Variants in PTPRD observed in about 807,000 individuals in gnomAD.
The protein encoded by PTPRD is receptor-type tyrosine-protein phosphatase delta.
Under a neutral mutation model 214.5 loss-of-function variants are expected in PTPRD, and 34 were observed. The ratio of observed to expected loss-of-function variants is 0.16; its 90% CI spans 0.12 to 0.21. PTPRD has a LOEUF of 0.21. Among genes scored for constraint, PTPRD ranks in the 10% least tolerant of loss-of-function variants. The pLI, the probability that PTPRD is intolerant of heterozygous loss-of-function variation, is 1.00. For synonymous variants in PTPRD, 1,128 were observed against 845.7 expected (o/e 1.33, Z -5.79); for missense variants, 2,545 against 2,398.7 (o/e 1.06, Z -1.27).
chr9:9,828,602 G>A (rs1436102834), intron 5 of PTPRD, among the ~76,000 whole-genome samples: 3 of 151,988 alleles, frequency 2.0e-5, no homozygotes, highest in Non-Finnish European at 2.9e-5. Context: ...GTATACATAT[G>A]TAACAAACCT....
chr9:8,924,533 G>T (rs2098851988), intron 11 of PTPRD, among the ~76,000 whole-genome samples: 1 of 152,080 alleles, frequency 6.6e-6, no homozygotes, highest in Non-Finnish European at 1.5e-5. Flanking sequence ...GAATCAAAGT[G>T]GTACCTGAAT....
At chr9:10,407,846 T>C (rs1373074472) in intron 2 of PTPRD, among the ~76,000 whole-genome samples, 1 of 151,612 alleles carries the variant, frequency 6.6e-6, no homozygotes, top group Non-Finnish European at 1.5e-5. Flanking sequence ...ACTGCAAATG[T>C]TTCAATTTTT....
intron 2 of PTPRD, among the ~76,000 whole-genome samples, chr9:10,410,441 C>A (rs1168149034): frequency 6.6e-6 from 1 of 151,106 alleles, no homozygotes; most frequent in Non-Finnish European, 1.5e-5. Context: ...AGGACATCTG[C>A]TGATAGTTTG....
chr9:8,533,450 C>T (rs17572318), intron 14 of PTPRD, among the ~76,000 whole-genome samples: 16,800 of 152,032 alleles, frequency 0.11, 1,068 homozygotes, highest in South Asian at 0.19. Context: ...TACATCAATG[C>T]TTCTTCAAGT....
chr9:8,340,043 G>A (rs1251927177), intron 42 of PTPRD, among the ~76,000 whole-genome samples: 1 of 152,090 alleles, frequency 6.6e-6, no homozygotes, highest in East Asian at 1.9e-4. Context: ...ACAAAAGGCA[G>A]TAAGAATATG....
At chr9:10,121,488 C>T (rs896833587) in intron 3 of PTPRD, among the ~76,000 whole-genome samples, 1 of 152,054 alleles carries the variant, frequency 6.6e-6, no homozygotes, top group Non-Finnish European at 1.5e-5. Flanking sequence ...ACTAACAACA[C>T]ATAACAAAAC....
intron 35 of PTPRD, among the ~76,000 whole-genome samples, chr9:8,411,496 G>T (rs1398309571): frequency 6.6e-6 from 1 of 152,010 alleles, no homozygotes; most frequent in Non-Finnish European, 1.5e-5. Context: ...TAGAGGCAGG[G>T]TTTCGCCATG....
chr9:10,016,670 G>GTTTTT (rs137867470), intron 4 of PTPRD, among the ~76,000 whole-genome samples: 1 of 148,502 alleles, frequency 6.7e-6, no homozygotes, highest in Non-Finnish European at 1.5e-5. Context: ...CCTCCTGTGG[G>GTTTTT]TTGTTTTTTT....
At chr9:9,532,853 A>T (rs1414979192) in intron 8 of PTPRD, among the ~76,000 whole-genome samples, 1 of 152,170 alleles carries the variant, frequency 6.6e-6, no homozygotes, top group African/African-American at 2.4e-5. Flanking sequence ...AACATGGCAC[A>T]GTTTATATGA....
rs55960236 is a variant in PTPRD, at chr9:9,267,684, T to A, written c.-202-84321A>T. On this transcript the variant is annotated intron_variant, in intron 9 of 45. Transcript: ENST00000381196. ...TTATTAAAAGGATCATATACCATGA[T>A]CAAGTGATATTTATCCCTGGAATGC... is the stretch of plus-strand genomic sequence containing the variant. Among the ~76,000 whole-genome samples, 272 of 151,346 alleles carry A rather than the reference T, an allele frequency of 1.8e-3. 1 individual carries two copies. The highest frequency in any genetic ancestry group is 6.3e-3 in the African/African-American group (260 of 41,426).
intron 8 of PTPRD, among the ~76,000 whole-genome samples, chr9:9,510,001 A>G (rs2096662048): frequency 6.6e-6 from 1 of 151,620 alleles, no homozygotes; most frequent in African/African-American, 2.4e-5. Flanking sequence ...GTGAGAAATC[A>G]GAACACTTCT....
chr9:10,176,808 A>G (rs1229239105), intron 3 of PTPRD, among the ~76,000 whole-genome samples: 3 of 152,016 alleles, frequency 2.0e-5, no homozygotes, highest in Non-Finnish European at 4.4e-5. Flanking sequence ...TAGAAAAGTT[A>G]ACATAATGCA....
At chr9:10,115,274 T>C (rs1372289895) in intron 3 of PTPRD, among the ~76,000 whole-genome samples, 1 of 152,086 alleles carries the variant, frequency 6.6e-6, no homozygotes, top group Non-Finnish European at 1.5e-5. Context: ...TGTTGTATAT[T>C]TATCAGAGCC....
intron 3 of PTPRD, among the ~76,000 whole-genome samples, chr9:10,091,971 G>A (rs953965556): frequency 9.3e-5 from 14 of 151,338 alleles, no homozygotes; most frequent in African/African-American, 3.1e-4. Flanking sequence ...GTGTGTATGA[G>A]CATAGATAAC....
chr9:8,494,730 C>A (rs1222869388), intron 26 of PTPRD, among the ~76,000 whole-genome samples: 1 of 152,186 alleles, frequency 6.6e-6, no homozygotes, highest in African/African-American at 2.4e-5. Flanking sequence ...TAGAGGATAA[C>A]AGACATAACG....
intron 8 of PTPRD, among the ~76,000 whole-genome samples, chr9:9,552,256 C>G (rs948994839): frequency 1.3e-5 from 2 of 151,940 alleles, no homozygotes; most frequent in Non-Finnish European, 2.9e-5. Flanking sequence ...AGAAGGAAAG[C>G]AGTACATAAA....
At chr9:9,539,761 A>C (rs1245516876) in intron 8 of PTPRD, among the ~76,000 whole-genome samples, 1 of 151,874 alleles carries the variant, frequency 6.6e-6, no homozygotes, top group Non-Finnish European at 1.5e-5. Context: ...CTACTCACTA[A>C]ATTGCTGCTT....
rs183799736 is a variant in PTPRD, at chr9:8,551,327, T to C, written c.353-22548A>G. On this transcript the variant is annotated intron_variant, in intron 14 of 45. Transcript: ENST00000381196. ...TTGTTCTCCATTAACAGACATTTAA[T>C]ATGAAAGTTTTCATAATTTAAACCC... Among the ~76,000 whole-genome samples the C allele has an allele frequency of 4.7e-4, 72 of 152,338 alleles. 1 individual carries two copies. In the East Asian group the frequency reaches 0.012, roughly 25 times the overall value.
chr9:10,072,930 A>T (rs1310942994), intron 3 of PTPRD, among the ~76,000 whole-genome samples: 1 of 152,140 alleles, frequency 6.6e-6, no homozygotes, highest in Non-Finnish European at 1.5e-5. Context: ...AGCAACCAAG[A>T]TGTCCTTCAG....
Sources: allele counts gnomAD v4.1 joint callset (sites outside exome capture counted in the v4.1 genomes callset), GRCh38; gene constraint gnomAD v4.1.1; transcripts MANE v1.5; gene names NCBI Gene and HGNC (gene_info 2026-07-23, HGNC 2026-07-21).